CNTNAP2: variants seen among roughly 807,000 people sequenced by gnomAD.
CNTNAP2 encodes the protein contactin associated protein 2, also known as contactin-associated protein-like 2.
CNTNAP2 carries 98 observed loss-of-function variants against 155.2 expected under a neutral mutation model. The ratio of observed to expected loss-of-function variants is 0.63; its 90% confidence interval spans 0.54 to 0.75. The LOEUF (loss-of-function observed/expected upper bound fraction) is 0.75. Among genes scored for constraint, CNTNAP2 ranks in the 30% least tolerant of loss-of-function variants. The pLI is 0.00. For synonymous variants in CNTNAP2, 651 were observed against 631.2 expected (o/e 1.03, Z -0.47); for missense variants, 1,727 against 1,688.1 (o/e 1.02, Z -0.40).
chr7:146,642,311 C>A lies in CNTNAP2; in HGVS notation c.98-131960C>A, dbSNP rs1163417747. 1.8e-4 allele frequency among the ~76,000 whole-genome samples: 19 copies of A among 107,838 alleles called. 1 individual carries two copies. The highest frequency in any genetic ancestry group is 7.9e-4 in the Admixed American group (6 of 7,630). 70.7% of individuals were successfully genotyped at this position (107,838 alleles called of 152,430 possible). A position where few individuals can be genotyped will look rare whatever the true frequency, so the allele number is the denominator to read the frequency against. Reference sequence around the variant, plus strand: ...CTCCTAAAGCTATCCCTCCCCCCTCCCCCCACCCCACAACAGTCCACAGAG... The same window carrying A: ...CTCCTAAAGCTATCCCTCCCCCCTCACCCCACCCCACAACAGTCCACAGAG... On this transcript the variant is annotated intron_variant, in intron 1 of 23. Transcript: ENST00000361727.
At chr7:147,216,962 A>G (rs963724192) in intron 8 of CNTNAP2, among the ~76,000 whole-genome samples, 1 of 151,944 alleles carries the variant, frequency 6.6e-6, no homozygotes, top group African/African-American at 2.4e-5. Context: ...TATGTTCTTA[A>G]TTTCAAATTC....
At chr7:146,413,443 A>G (rs1584913871) in intron 1 of CNTNAP2, among the ~76,000 whole-genome samples, 1 of 152,220 alleles carries the variant, frequency 6.6e-6, no homozygotes, top group African/African-American at 2.4e-5. Flanking sequence ...AGGAAACACT[A>G]TACATAGCTG....
chr7:146,854,516 G>C (rs1228326137), intron 3 of CNTNAP2, among the ~76,000 whole-genome samples: 3 of 152,078 alleles, frequency 2.0e-5, no homozygotes, highest in African/African-American at 7.2e-5. Flanking sequence ...AGATAATTGT[G>C]GGAGAAAACC....
intron 14 of CNTNAP2, among the ~76,000 whole-genome samples, chr7:147,956,265 G>A: frequency 6.8e-6 from 1 of 147,596 alleles, no homozygotes. Flanking sequence ...GACCTTTGGA[G>A]AATATCTCAA....
At chr7:146,501,792 G>C (rs148512075) in intron 1 of CNTNAP2, among the ~76,000 whole-genome samples, 22 of 152,188 alleles carry the variant, frequency 1.4e-4, no homozygotes, top group African/African-American at 5.3e-4. Context: ...CTAATGACAA[G>C]TGTCATTATA....
intron 13 of CNTNAP2, among the ~76,000 whole-genome samples, chr7:147,736,642 G>A (rs142270767): frequency 0.19 from 29,190 of 152,120 alleles, 3,227 homozygotes; most frequent in Middle Eastern, 0.38. Context: ...CATTCTTCCC[G>A]TCACTTTCAG....
chr7:146,684,271 C>G (rs73166384), intron 1 of CNTNAP2, among the ~76,000 whole-genome samples: 1 of 151,996 alleles, frequency 6.6e-6, no homozygotes, highest in Non-Finnish European at 1.5e-5. Context: ...GAAGAACTCA[C>G]GAGGAAGTGT....
At chr7:146,914,134 G>A (rs537423277) in intron 3 of CNTNAP2, among the ~76,000 whole-genome samples, 1 of 151,532 alleles carries the variant, frequency 6.6e-6, no homozygotes, top group South Asian at 2.1e-4. Flanking sequence ...CATTATTTAT[G>A]CTTTATGGCT....
chr7:146,123,185 T>C (rs1360010622), intron 1 of CNTNAP2, among the ~76,000 whole-genome samples: 1 of 152,082 alleles, frequency 6.6e-6, no homozygotes, highest in African/African-American at 2.4e-5. Flanking sequence ...GTTGAAAAAA[T>C]ACAGAGGAGC....
intron 8 of CNTNAP2, among the ~76,000 whole-genome samples, chr7:147,135,971 A>T (rs2129286065): frequency 6.6e-6 from 1 of 151,786 alleles, no homozygotes; most frequent in Non-Finnish European, 1.5e-5. Context: ...GAACAGTATT[A>T]TAATATTATA....
intron 13 of CNTNAP2, among the ~76,000 whole-genome samples, chr7:147,665,304 GTTCA>G (rs1244381824): frequency 1.3e-5 from 2 of 152,178 alleles, no homozygotes; most frequent in Non-Finnish European, 2.9e-5. Flanking sequence ...AGATAGTATA[GTTCA>G]TTCTCATTAC....
intron 1 of CNTNAP2, among the ~76,000 whole-genome samples, chr7:146,331,283 G>T (rs186664693): frequency 0.07 from 9,893 of 140,412 alleles, 976 homozygotes; most frequent in African/African-American, 0.23. Context: ...CAGCCTGGGC[G>T]ACAGAGCGAG....
intron 5 of CNTNAP2, among the ~76,000 whole-genome samples, chr7:147,114,349 A>C (rs1326162726): frequency 1.3e-5 from 2 of 152,132 alleles, no homozygotes; most frequent in East Asian, 3.9e-4. Context: ...AGCTGAGTTC[A>C]AGTCCTGGAT....
At chr7:148,367,793 C>T (rs1043857919) in intron 21 of CNTNAP2, among the ~76,000 whole-genome samples, 1 of 151,928 alleles carries the variant, frequency 6.6e-6, no homozygotes, top group Non-Finnish European at 1.5e-5. Flanking sequence ...AACATGTCAC[C>T]AAGAGAAAAT....
intron 1 of CNTNAP2, among the ~76,000 whole-genome samples, chr7:146,167,378 A>C (rs1479998436): frequency 6.6e-6 from 1 of 152,244 alleles, no homozygotes; most frequent in Non-Finnish European, 1.5e-5. Flanking sequence ...AGATGGCCAC[A>C]ATACTTCAGC....
chr7:147,559,729 A>G (rs1354723700), intron 11 of CNTNAP2, among the ~76,000 whole-genome samples: 1 of 152,174 alleles, frequency 6.6e-6, no homozygotes, highest in Non-Finnish European at 1.5e-5. Flanking sequence ...ATACATACCA[A>G]TTTTAATAAT....
intron 13 of CNTNAP2, among the ~76,000 whole-genome samples, chr7:147,737,575 G>T (rs374910658): frequency 9.9e-5 from 15 of 152,164 alleles, no homozygotes; most frequent in East Asian, 3.9e-4. Context: ...GTCTGCAGAG[G>T]TTTCTGCTGC....
intron 13 of CNTNAP2, among the ~76,000 whole-genome samples, chr7:147,715,738 T>C (rs182230531): frequency 4.6e-5 from 7 of 152,228 alleles, no homozygotes; most frequent in Non-Finnish European, 1.0e-4. Context: ...TCATCTATGA[T>C]TTTTGGTGTT....
At chr7:146,990,781 T>G (rs868432737) in intron 3 of CNTNAP2, among the ~76,000 whole-genome samples, 20 of 152,168 alleles carry the variant, frequency 1.3e-4, no homozygotes, top group African/African-American at 4.6e-4. Context: ...TAATTTAATT[T>G]TAAGACATTA....
Sources: allele counts gnomAD v4.1 joint callset (sites outside exome capture counted in the v4.1 genomes callset), GRCh38; gene constraint gnomAD v4.1.1; transcripts MANE v1.5; gene names NCBI Gene and HGNC (gene_info 2026-07-23, HGNC 2026-07-21).